The following RBFOX1 variants were observed in gnomAD, a reference collection of about 807,000 sequenced individuals.
RBFOX1 encodes RNA binding protein fox-1 homolog 1.
A neutral mutation model predicts 57.7 loss-of-function variants in RBFOX1; 8 were observed. The ratio of observed to expected loss-of-function variants is 0.14; its 90% CI spans 0.08 to 0.25. The LOEUF is 0.25. Among genes scored for constraint, RBFOX1 ranks in the 10% least tolerant of loss-of-function variants. The pLI is 1.00. For synonymous variants in RBFOX1, 326 were observed against 222.4 expected (o/e 1.47, Z -4.15); for missense variants, 611 against 548.5 (o/e 1.11, Z -1.14).
intron 4 of RBFOX1, among the ~76,000 whole-genome samples, chr16:7,387,928 C>T (rs1206719564): frequency 1.3e-5 from 2 of 152,012 alleles, no homozygotes; most frequent in Non-Finnish European, 2.9e-5. Flanking sequence ...TTATTTTACG[C>T]CATTGTTGGA....
intron 2 of RBFOX1, among the ~76,000 whole-genome samples, chr16:5,574,477 A>G (rs145493166): frequency 0.067 from 10,118 of 150,578 alleles, 998 homozygotes; most frequent in African/African-American, 0.21. Flanking sequence ...GTGCAGTGGC[A>G]CAATCTTGGC....
intron 2 of RBFOX1, among the ~76,000 whole-genome samples, chr16:6,626,794 A>T (rs1425887064): frequency 1.3e-5 from 2 of 152,040 alleles, no homozygotes; most frequent in African/African-American, 2.4e-5. Context: ...ATAGAAATAA[A>T]ATAAAGTATA....
intron 3 of RBFOX1, among the ~76,000 whole-genome samples, chr16:6,960,215 C>T (rs2082672812): frequency 6.6e-6 from 1 of 152,126 alleles, no homozygotes; most frequent in South Asian, 2.1e-4. Flanking sequence ...ATAATCATCC[C>T]AGCACCTGGA....
At chr16:7,103,927 C>T (rs751541573) in intron 4 of RBFOX1, among the ~76,000 whole-genome samples, 4 of 152,156 alleles carry the variant, frequency 2.6e-5, no homozygotes, top group Non-Finnish European at 4.4e-5. Context: ...CTCTTTCAAA[C>T]ATCCATGGAC....
At chr16:5,905,738 G>C (rs955820675) in intron 4 of RBFOX1, among the ~76,000 whole-genome samples, 1 of 152,094 alleles carries the variant, frequency 6.6e-6, no homozygotes, top group Non-Finnish European at 1.5e-5. Context: ...GCCAAGGAGA[G>C]AGGACTCAGA....
chr16:5,905,765 G>T (rs1404895658), intron 4 of RBFOX1, among the ~76,000 whole-genome samples: 1 of 152,188 alleles, frequency 6.6e-6, no homozygotes, highest in Non-Finnish European at 1.5e-5. Flanking sequence ...CAACCCTTCA[G>T]ATTTCTTGAT....
intron 3 of RBFOX1, among the ~76,000 whole-genome samples, chr16:6,912,875 C>G (rs938040907): frequency 2.0e-5 from 3 of 152,144 alleles, no homozygotes; most frequent in Non-Finnish European, 4.4e-5. Context: ...TTGCCTTGAC[C>G]TCCCAAAGTG....
At position 5,565,374 on chromosome 16, in the gene RBFOX1, C is replaced by G. The variant is rs149075033; in HGVS notation, c.259-33528C>G. Among the ~76,000 whole-genome samples the G allele has an allele frequency of 2.3e-3, 348 of 152,186 alleles. 2 individuals carry two copies. The highest frequency in any genetic ancestry group is 8.0e-3 in the African/African-American group (332 of 41,522). On this transcript the variant is annotated intron_variant, in intron 2 of 2. Transcript: ENST00000585867. ...GGCGCAGTGGCTCACTCCTGTAATCCCATCATTTTGGGAGGCTGAGATGGG... is the reference window on the plus strand; with the variant it reads ...GGCGCAGTGGCTCACTCCTGTAATCGCATCATTTTGGGAGGCTGAGATGGG...
intron 4 of RBFOX1, among the ~76,000 whole-genome samples, chr16:5,967,034 T>G (rs2059859826): frequency 6.8e-6 from 1 of 146,086 alleles, no homozygotes; most frequent in Admixed American, 7.2e-5. Context: ...GTGCCACCTG[T>G]TTTTGTAAAT....
At chr16:5,431,912 C>T (rs1011185297) in intron 1 of RBFOX1, among the ~76,000 whole-genome samples, 2 of 152,060 alleles carry the variant, frequency 1.3e-5, no homozygotes, top group Non-Finnish European at 2.9e-5. Context: ...GACCACAGTT[C>T]CAGTAGGATT....
chr16:6,495,562 A>T (rs2095748204), intron 2 of RBFOX1, among the ~76,000 whole-genome samples: 1 of 152,232 alleles, frequency 6.6e-6, no homozygotes. Context: ...TAATAAATGA[A>T]ACTGGGTATA....
At chr16:6,175,999 G>T (rs1317769026) in intron 1 of RBFOX1, among the ~76,000 whole-genome samples, 6 of 152,120 alleles carry the variant, frequency 3.9e-5, no homozygotes, top group Admixed American at 3.9e-4. Context: ...CTAGGTATTG[G>T]TATTTCTTTT....
chr16:6,123,680 G>C (rs2096568147), intron 1 of RBFOX1, among the ~76,000 whole-genome samples: 1 of 152,254 alleles, frequency 6.6e-6, no homozygotes, highest in African/African-American at 2.4e-5. Flanking sequence ...TGAGGTGGGT[G>C]GATCATTTCA....
intron 3 of RBFOX1, among the ~76,000 whole-genome samples, chr16:6,857,496 A>T (rs1389602225): frequency 6.6e-6 from 1 of 152,208 alleles, no homozygotes; most frequent in African/African-American, 2.4e-5. Flanking sequence ...CATTGGGCAT[A>T]ACCAGCACAG....
rs571028738 is a variant in RBFOX1 at position 6,881,978 on chromosome 16, C to G, written c.-15-170079C>G. 6.6e-5 allele frequency among the ~76,000 whole-genome samples: 10 copies of G among 152,194 alleles called. No homozygotes were observed. The South Asian group carries it at 1.9e-3, about 28-fold the overall frequency. On this transcript the variant is annotated intron_variant, in intron 3 of 15. Coordinates refer to ENST00000550418, the MANE Select transcript of RBFOX1 (RefSeq NM_018723.4). ...GAAGGGAACTTGGTTATGGGTTAGACATAAAGGAGAAATTTTTTTAAAAAA... is the reference window on the plus strand; with the variant it reads ...GAAGGGAACTTGGTTATGGGTTAGAGATAAAGGAGAAATTTTTTTAAAAAA...
chr16:7,002,605 G>C (rs944641139), intron 3 of RBFOX1, among the ~76,000 whole-genome samples: 2 of 152,086 alleles, frequency 1.3e-5, no homozygotes, highest in African/African-American at 4.8e-5. Flanking sequence ...CCAGCCACTC[G>C]GGAGGCTGAG....
At chr16:5,697,765 C>T (rs2050895672) in intron 3 of RBFOX1, among the ~76,000 whole-genome samples, 1 of 152,068 alleles carries the variant, frequency 6.6e-6, no homozygotes, top group African/African-American at 2.4e-5. Context: ...AACTCCTGTC[C>T]TCATGATCTG....
At chr16:6,640,179 A>T (rs919538009) in intron 2 of RBFOX1, among the ~76,000 whole-genome samples, 5 of 152,200 alleles carry the variant, frequency 3.3e-5, no homozygotes, top group African/African-American at 1.2e-4. Flanking sequence ...AATGCAGCTT[A>T]TTGAATTTTC....
Position 7,713,296 on chromosome 16 carries a change from CTGGTT to C in RBFOX1, c.*2554_*2558del, listed in dbSNP as rs2084267568. 2 of 152,108 alleles carry C rather than the reference CTGGTT, an allele frequency of 1.3e-5. No homozygotes were observed. Among genetic ancestry groups the C allele is most frequent in the Non-Finnish European group, 2.9e-5 (2 of 68,026 alleles). The allele number at this position is 152,108 out of a possible 1,614,324, so 9.4% of individuals were successfully genotyped here. On this transcript the variant is annotated 3_prime_UTR_variant, in exon 16 of 16. Coordinates refer to ENST00000550418, the MANE Select transcript of RBFOX1 (RefSeq NM_018723.4). Reference sequence around the variant, plus strand: ...TACAGTGGTTTGTGAATAAAGAAAACTGGTTTGTAATATCAAAAAAATAAAAGCTT... The same window carrying C: ...TACAGTGGTTTGTGAATAAAGAAAACTGTAATATCAAAAAAATAAAAGCTT...
Sources: allele counts gnomAD v4.1 joint callset (sites outside exome capture counted in the v4.1 genomes callset), GRCh38; gene constraint gnomAD v4.1.1; transcripts MANE v1.5; gene names NCBI Gene and HGNC (gene_info 2026-07-23, HGNC 2026-07-21).